BOD1L1: variants seen among roughly 807,000 people sequenced by gnomAD.
BOD1L1 encodes the protein biorientation of chromosomes in cell division 1 like 1, also known as biorientation of chromosomes in cell division protein 1-like 1.
A neutral mutation model predicts 240.7 loss-of-function variants in BOD1L1; 86 were observed. The observed-to-expected ratio is 0.36, with a 90% CI of 0.30 to 0.43. The LOEUF is 0.43. BOD1L1 is among the 20% of genes least tolerant of loss of function. The pLI is 1.00. For synonymous variants in BOD1L1, 1,268 were observed against 1,272.3 expected, an observed-to-expected ratio of 1.00 and a Z score of 0.07; for missense variants, 3,554 against 3,643.5, an observed-to-expected ratio of 0.98 and a Z score of 0.63.
At position 13,587,285 on chromosome 4, in the gene BOD1L1, C is replaced by G. The variant is rs1228403172; in HGVS notation, c.8353+414G>C. On this transcript the variant is annotated intron_variant, in intron 16 of 25. Coordinates refer to ENST00000040738, the MANE Select transcript of BOD1L1 (RefSeq NM_148894.3). ...GTACAAGACTTCTATCACTGTAGTT[C>G]TACTAGAGGGCACCGTTACAGACCA... Among the ~76,000 whole-genome samples, 5 of 152,196 alleles carry G rather than the reference C, an allele frequency of 3.3e-5. No individual in the cohort carries two copies. The South Asian group carries it at 1.0e-3, about 32-fold the overall frequency.
In BOD1L1 at chr4:13,604,606, C is replaced by A; in HGVS notation, c.2294G>T (p.Gly765Val). ...TTGAATATTTTCCTCTACTTTTAAA[C>A]CTTTCTCAGAAGAGTGAAGCTCAGT... is the stretch of plus-strand genomic sequence containing the variant. Reference protein sequence around the residue: ...DETELHSSEKGLKVEENIQKQ... With the variant: ...DETELHSSEKVLKVEENIQKQ... Residue 765 changes from glycine to valine, a missense_variant, in exon 10 of 26, where the codon GGT (glycine) becomes GTT (valine). Gly to Val is a moderately radical substitution (Grantham distance 109, BLOSUM62 -3). This residue lies in a region of BOD1L1 where 3,393 missense variants were observed against 3,427.1 expected (regional missense o/e 0.99). Transcript: ENST00000040738. 4.4e-6 allele frequency: 7 copies of A among 1,574,480 alleles called. No homozygotes were observed. In the Admixed American group the frequency reaches 8.3e-5, roughly 19 times the overall value.
rs1385635562 is a variant in BOD1L1 at position 13,615,381 on chromosome 4, G to C, written c.490C>G (p.His164Asp). The C allele has an allele frequency of 1.2e-6, 2 of 1,613,618 alleles. No individual in the cohort carries two copies. The highest frequency in any genetic ancestry group is 1.6e-4 in the Middle Eastern group (1 of 6,084). Residue 164 changes from histidine (H) to aspartate (D), a missense_variant, in exon 3 of 26, where the codon CAC becomes GAC. His to Asp is a moderately conservative substitution (Grantham distance 81, BLOSUM62 -1). Transcript: ENST00000040738. ...GTGTTGCCACTTCCTTCCTCTTTGTGATTTAGCGTGGCCAAAAACTCATGC... is the reference window on the plus strand; with the variant it reads ...GTGTTGCCACTTCCTTCCTCTTTGTCATTTAGCGTGGCCAAAAACTCATGC... ...AVHEFLATLN[H>D]KEEGSGNTAP...
At chr4:13,571,125 C>G (rs958907943) in intron 25 of BOD1L1, among the ~76,000 whole-genome samples, 3 of 152,074 alleles carry the variant, frequency 2.0e-5, no homozygotes, top group Non-Finnish European at 2.9e-5. Context: ...TGGGTTGTTG[C>G]CAAAAAAGTT....
chr4:13,616,316 A>G (rs1259433933), intron 2 of BOD1L1, among the ~76,000 whole-genome samples: 1 of 152,230 alleles, frequency 6.6e-6, no homozygotes, highest in African/African-American at 2.4e-5. Context: ...TATGTCGAAG[A>G]TAATTTAGGA....
At chr4:13,584,441 A>AGAGTGTGTGT (rs1476066597) in intron 17 of BOD1L1, among the ~76,000 whole-genome samples, 13 of 134,906 alleles carry the variant, frequency 9.6e-5, no homozygotes, top group South Asian at 2.6e-4. Context: ...AGAGAGAGAG[A>AGAGTGTGTGT]GTGTGTGTGT....
intron 13 of BOD1L1, among the ~76,000 whole-genome samples, chr4:13,591,385 T>G (rs1159986480): frequency 6.6e-6 from 1 of 152,230 alleles, no homozygotes; most frequent in Non-Finnish European, 1.5e-5. Context: ...TTGGAAAGAA[T>G]GCAGTTGTCT....
At position 13,600,450 on chromosome 4, in the gene BOD1L1, T is replaced by C. The variant is rs1715035479; in HGVS notation, c.6450A>G (p.Glu2150=). The C allele has an allele frequency of 7.4e-6, 12 of 1,613,924 alleles. No individual in the cohort carries two copies. Among genetic ancestry groups the C allele is most frequent in the Non-Finnish European group, 1.0e-5 (12 of 1,179,882 alleles). Residue 2150 remains glutamate (E), a synonymous_variant, in exon 10 of 26, where the codon GAA becomes GAG. Transcript: ENST00000040738. ...CACTGGAGATAGGCAATTCGAATTC[T>C]TCCCCTATGCTTGTGGAAATCATGG... is the stretch of plus-strand genomic sequence containing the variant. ...ECAMISTSIG[E]EFELPISSAT...
chr4:13,621,576 G>A (rs11726392), intron 1 of BOD1L1, among the ~76,000 whole-genome samples: 83,704 of 152,038 alleles, frequency 0.55, 26,910 homozygotes, highest in East Asian at 0.96. Flanking sequence ...TTGTATTTTC[G>A]GAAGCAAGGC....
intron 17 of BOD1L1, among the ~76,000 whole-genome samples, chr4:13,585,834 G>A (rs1713636624): frequency 2.0e-5 from 3 of 152,142 alleles, no homozygotes; most frequent in Non-Finnish European, 4.4e-5. Flanking sequence ...CCCTGCACAT[G>A]CCCTCTTGCC....
At chr4:13,587,592 TAG>T in intron 16 of BOD1L1, 105 bp downstream of exon 16, 2 of 798,868 alleles carry the variant, frequency 2.5e-6, no homozygotes, top group Non-Finnish European at 2.0e-6. Context: ...ACTTGTAAAG[TAG>T]AGAGTTACTA....
chr4:13,594,185 C>A (rs1714430676), intron 12 of BOD1L1, among the ~76,000 whole-genome samples: 1 of 152,090 alleles, frequency 6.6e-6, no homozygotes. Flanking sequence ...AAGCAAATGC[C>A]TATAGAGTTT....
In BOD1L1 at chr4:13,627,301, C is replaced by T. The variant is rs764084469; in HGVS notation, c.243+44G>A. 21 of 1,154,646 alleles carry T rather than the reference C, an allele frequency of 1.8e-5. No homozygotes were observed. In the East Asian group the frequency reaches 7.0e-4, roughly 39 times the overall value. 71.5% of individuals were successfully genotyped at this position (1,154,646 alleles called of 1,614,324 possible). On this transcript the variant is annotated intron_variant, in intron 1 of 25. Transcript: ENST00000040738. The stretch of plus-strand genomic sequence containing the variant: ...CTGCAAAAGAAGCGCGCCCTTGGGT[C>T]CTCCCCTTCCCTCGCAGACCCCCAA...
chr4:13,572,760 A>AT, intron 25 of BOD1L1: 1 of 1,289,758 alleles, frequency 7.8e-7, no homozygotes, highest in Non-Finnish European at 1.0e-6. Context: ...TCTTTTGCTA[A>AT]TTTTTGGCGA....
intron 1 of BOD1L1, among the ~76,000 whole-genome samples, chr4:13,620,400 G>T (rs1056024563): frequency 2.7e-4 from 41 of 152,138 alleles, no homozygotes; most frequent in African/African-American, 9.2e-4. Context: ...ATTTGAGCTG[G>T]AAAAATCAAT....
chr4:13,610,863 C>T, intron 6 of BOD1L1, 71 bp downstream of exon 6: 1 of 1,346,406 alleles, frequency 7.4e-7, no homozygotes, highest in South Asian at 1.4e-5. Context: ...ACATCAGTAC[C>T]TTGCAGATAG....
At chr4:13,585,687 A>T (rs1291291221) in intron 17 of BOD1L1, among the ~76,000 whole-genome samples, 1 of 152,156 alleles carries the variant, frequency 6.6e-6, no homozygotes, top group East Asian at 1.9e-4. Context: ...ATTTTGAATT[A>T]TAGGTCCCAT....
chr4:13,599,969 G>A lies in BOD1L1; in HGVS notation c.6931C>T (p.Gln2311Ter). The change falls in exon 10 of 26, where the codon CAG (glutamine) becomes TAG (stop). Residue 2311 changes from glutamine (Q) to a stop codon, truncating the protein, a stop_gained. Transcript: ENST00000040738. LOFTEE classifies it high-confidence loss of function. ...GTGATGGTGAGCCGATCTTCATCCT[G>A]GAGGACAGCACCAATCATGACTGCT... ...CEAVMIGAVL[Q>*]DEDRLTITRV... 6.2e-7 allele frequency: 1 copy of A among 1,611,800 alleles called. No homozygotes were observed. Among genetic ancestry groups the A allele is most frequent in the African/African-American group, 1.3e-5 (1 of 75,010 alleles).
intron 17 of BOD1L1, among the ~76,000 whole-genome samples, chr4:13,583,390 GTTAATT>G (rs1474596561): frequency 6.6e-6 from 1 of 152,066 alleles, no homozygotes; most frequent in Admixed American, 6.5e-5. Context: ...TTCTATTAAT[GTTAATT>G]TTACTTATTT....
chr4:13,609,445 G>C, intron 6 of BOD1L1, 39 bp from the exon 7 acceptor site: 3 of 1,257,128 alleles, frequency 2.4e-6, no homozygotes, highest in Non-Finnish European at 3.2e-6. Flanking sequence ...ATTAGGCAAA[G>C]GCAAAAACAC....
Sources: allele counts gnomAD v4.1 joint callset (sites outside exome capture counted in the v4.1 genomes callset), GRCh38; gene constraint gnomAD v4.1.1; regional missense constraint gnomAD v4.1.1; transcripts MANE v1.5; gene names NCBI Gene and HGNC (gene_info 2026-07-23, HGNC 2026-07-21).